The following FAM151B variants were observed in gnomAD, a reference collection of about 807,000 sequenced individuals.
The protein encoded by FAM151B is family with sequence similarity 151 member B.
A neutral mutation model predicts 31.2 loss-of-function variants in FAM151B; 24 were observed. The ratio of observed to expected loss-of-function variants is 0.77; its 90% CI spans 0.56 to 1.08. The LOEUF is 1.08. FAM151B is among the 50% of genes least tolerant of loss of function. The pLI is 0.00. For missense variants in FAM151B, 293 were observed against 328.6 expected, an observed-to-expected ratio of 0.89 and a Z score of 0.84; for synonymous variants, 105 against 111.4, an observed-to-expected ratio of 0.94 and a Z score of 0.36.
intron 1 of FAM151B, among the ~76,000 whole-genome samples, chr5:80,495,499 A>G (rs926620984): frequency 1.3e-5 from 2 of 152,166 alleles, no homozygotes; most frequent in Admixed American, 6.5e-5. Context: ...GAGGGATGCA[A>G]TACTTCAATA....
chr5:80,532,855 CTA>C (rs1433590655), intron 5 of FAM151B, among the ~76,000 whole-genome samples: 2 of 152,058 alleles, frequency 1.3e-5, no homozygotes, highest in Non-Finnish European at 2.9e-5. Flanking sequence ...ATTTTGGAAA[CTA>C]TACAAATACA....
intron 2 of FAM151B, among the ~76,000 whole-genome samples, chr5:80,505,394 C>CTTTT (rs1001261424): frequency 7.3e-6 from 1 of 137,498 alleles, no homozygotes. Flanking sequence ...CCATTGAGTT[C>CTTTT]TTTTTTTTTT....
intron 5 of FAM151B, among the ~76,000 whole-genome samples, chr5:80,537,347 T>C (rs1745563545): frequency 2.0e-5 from 3 of 152,234 alleles, no homozygotes; most frequent in African/African-American, 7.2e-5. Context: ...CGTAGGAGAG[T>C]ACACAGGCCA....
chr5:80,514,336 A>T (rs1744320363), intron 3 of FAM151B, among the ~76,000 whole-genome samples: 1 of 151,912 alleles, frequency 6.6e-6, no homozygotes, highest in African/African-American at 2.4e-5. Context: ...TTAGCCAAGC[A>T]TGGTGGTGGG....
At chr5:80,528,352 A>G (rs1745064818) in intron 5 of FAM151B, among the ~76,000 whole-genome samples, 1 of 152,152 alleles carries the variant, frequency 6.6e-6, no homozygotes, top group Non-Finnish European at 1.5e-5. Flanking sequence ...TGGCAGGGGT[A>G]AGTCCTTACT....
intron 5 of FAM151B, among the ~76,000 whole-genome samples, chr5:80,526,074 C>G (rs1744951620): frequency 6.6e-6 from 1 of 151,950 alleles, no homozygotes; most frequent in Non-Finnish European, 1.5e-5. Context: ...CAGCATATAC[C>G]AAAATCGGCT....
chr5:80,502,614 C>T (rs1743786887), intron 2 of FAM151B, among the ~76,000 whole-genome samples: 1 of 152,138 alleles, frequency 6.6e-6, no homozygotes, highest in African/African-American at 2.4e-5. Context: ...TCAGCCTTTT[C>T]CTATAAAGTG....
chr5:80,506,586 A>G (rs989600343), intron 2 of FAM151B, among the ~76,000 whole-genome samples: 1 of 152,156 alleles, frequency 6.6e-6, no homozygotes, highest in Admixed American at 6.5e-5. Flanking sequence ...CTGCTTCCAC[A>G]CTTGCCCCTG....
intron 5 of FAM151B, among the ~76,000 whole-genome samples, chr5:80,535,825 T>C (rs1414826688): frequency 6.6e-6 from 1 of 152,116 alleles, no homozygotes; most frequent in East Asian, 1.9e-4. Flanking sequence ...GAGAAAACAT[T>C]TGCAAACTAC....
At chr5:80,498,649 G>A in intron 1 of FAM151B, 1 of 704,686 alleles carries the variant, frequency 1.4e-6, no homozygotes, top group Non-Finnish European at 2.6e-6. Flanking sequence ...CGACAAAGGT[G>A]TCTAATTTTG....
At chr5:80,493,189 G>T (rs1014765451) in intron 1 of FAM151B, among the ~76,000 whole-genome samples, 5 of 152,206 alleles carry the variant, frequency 3.3e-5, no homozygotes, top group Non-Finnish European at 7.3e-5. Flanking sequence ...GAAGGGACCA[G>T]CTGGAGCCGA....
rs543156392 is a variant in FAM151B, at chr5:80,530,882, A to C, written c.671+8744A>C. Among the ~76,000 whole-genome samples the C allele has an allele frequency of 2.4e-3, 373 of 152,322 alleles. 1 individual carries two copies. The highest frequency in any genetic ancestry group is 3.7e-3 in the Non-Finnish European group (249 of 68,026). On this transcript the variant is annotated intron_variant, in intron 5 of 5. Transcript: ENST00000282226. ...GACTTTCTTCACAGAATTGGAAAAA[A>C]CTACTTTAAAATTCATATGGAACCA... is the stretch of plus-strand genomic sequence containing the variant.
At chr5:80,538,370 CTTTT>C in intron 5 of FAM151B, among the ~76,000 whole-genome samples, 1 of 144,028 alleles carries the variant, frequency 6.9e-6, no homozygotes, top group Non-Finnish European at 1.5e-5. Flanking sequence ...CCCAGCCTTT[CTTTT>C]TCTTTCTTTC....
At chr5:80,513,800 GA>G (rs760529705) in intron 3 of FAM151B, 31 bp downstream of exon 3, 1 of 1,569,360 alleles carries the variant, frequency 6.4e-7, no homozygotes. Flanking sequence ...AATTTTCTGG[GA>G]AAAAAGTAAT....
intron 3 of FAM151B, among the ~76,000 whole-genome samples, chr5:80,518,525 A>T (rs1314968208): frequency 1.3e-5 from 2 of 152,194 alleles, no homozygotes; most frequent in African/African-American, 4.8e-5. Context: ...ACAAATGACA[A>T]CATCTAAATT....
intron 1 of FAM151B, chr5:80,501,012 T>G (rs1391361515): frequency 1.9e-6 from 1 of 532,062 alleles, no homozygotes; most frequent in East Asian, 3.4e-5. Flanking sequence ...TCCATTTTTA[T>G]TTTATTTTAT....
At position 80,519,110 on chromosome 5, in the gene FAM151B, A is replaced by G. The variant is rs914620980; in HGVS notation, c.318-583A>G. 2.6e-5 allele frequency among the ~76,000 whole-genome samples: 4 copies of G among 152,326 alleles called. No homozygotes were observed. The South Asian group carries it at 6.2e-4, about 24-fold the overall frequency. On this transcript the variant is annotated intron_variant, in intron 3 of 5. Transcript: ENST00000282226. ...CTAATTTTCAGAAAAGGTTCTTACAATAAAAGAAGAAAAATGAAACAGAAA... is the reference window on the plus strand; with the variant it reads ...CTAATTTTCAGAAAAGGTTCTTACAGTAAAAGAAGAAAAATGAAACAGAAA...
intron 1 of FAM151B, chr5:80,500,313 C>G (rs939157658): frequency 5.0e-6 from 4 of 792,642 alleles, no homozygotes; most frequent in Non-Finnish European, 8.8e-6. Context: ...AGCAAGTTGC[C>G]TCTTTTTCCG....
At chr5:80,519,672 G>C in intron 3 of FAM151B, 21 bp from the exon 4 acceptor site, 1 of 1,604,592 alleles carries the variant, frequency 6.2e-7, no homozygotes, top group African/African-American at 1.3e-5. Context: ...CTATCTCATT[G>C]ACAACAAATT....
Sources: allele counts gnomAD v4.1 joint callset (sites outside exome capture counted in the v4.1 genomes callset), GRCh38; gene constraint gnomAD v4.1.1; transcripts MANE v1.5; gene names NCBI Gene and HGNC (gene_info 2026-07-23, HGNC 2026-07-21).